KCNIP4: variants seen among roughly 807,000 people sequenced by gnomAD.
KCNIP4 encodes the protein Kv channel-interacting protein 4.
KCNIP4 carries 12 observed loss-of-function variants against 34.0 expected under a neutral mutation model. That is an observed-to-expected ratio of 0.35 (90% CI 0.23 to 0.57). KCNIP4 has a LOEUF of 0.57. KCNIP4 is among the 20% of genes least tolerant of loss of function. The probability of loss-of-function intolerance (pLI) is 0.83; values close to 1 mark genes in which losing one functional copy is unlikely to be tolerated. For synonymous variants in KCNIP4, 124 were observed against 102.2 expected, an observed-to-expected ratio of 1.21 and a Z score of -1.29; for missense variants, 238 against 311.7, an observed-to-expected ratio of 0.76 and a Z score of 1.78.
chr4:21,825,799 A>G (rs1323188630), intron 1 of KCNIP4, among the ~76,000 whole-genome samples: 3 of 152,142 alleles, frequency 2.0e-5, no homozygotes, highest in African/African-American at 7.2e-5. Flanking sequence ...TGGAAACCAT[A>G]TTTTAGCAGG....
At chr4:20,876,953 C>T (rs150546307) in intron 2 of KCNIP4, among the ~76,000 whole-genome samples, 1 of 152,270 alleles carries the variant, frequency 6.6e-6, no homozygotes, top group African/African-American at 2.4e-5. Flanking sequence ...TGTCGCTGAT[C>T]CTGTAGATCA....
intron 1 of KCNIP4, among the ~76,000 whole-genome samples, chr4:21,285,564 C>G (rs542134085): frequency 5.3e-4 from 81 of 152,214 alleles, no homozygotes; most frequent in African/African-American, 1.7e-3. Flanking sequence ...CGTGGTGGCT[C>G]ATGCCTGTAA....
At chr4:21,612,999 G>C (rs1377859074) in intron 1 of KCNIP4, among the ~76,000 whole-genome samples, 1 of 152,138 alleles carries the variant, frequency 6.6e-6, no homozygotes, top group Non-Finnish European at 1.5e-5. Context: ...GGTATGTAGA[G>C]AGAAAAAGGC....
At chr4:21,816,489 A>G (rs1008590620) in intron 1 of KCNIP4, among the ~76,000 whole-genome samples, 1 of 152,178 alleles carries the variant, frequency 6.6e-6, no homozygotes, top group Non-Finnish European at 1.5e-5. Flanking sequence ...GGAGAACTTC[A>G]AAAGCCAAGT....
intron 1 of KCNIP4, among the ~76,000 whole-genome samples, chr4:21,491,731 C>T (rs1732414194): frequency 1.3e-5 from 2 of 152,118 alleles, no homozygotes; most frequent in Admixed American, 6.6e-5. Context: ...TTCTGACAAA[C>T]ATCTACATTT....
intron 1 of KCNIP4, among the ~76,000 whole-genome samples, chr4:21,648,942 G>T (rs1427795613): frequency 6.6e-6 from 1 of 152,050 alleles, no homozygotes; most frequent in Non-Finnish European, 1.5e-5. Flanking sequence ...ACATTTTATG[G>T]AATGTCAGTT....
chr4:21,169,660 T>TTGTGTGTGTGTGTGTGTG (rs58544791), intron 1 of KCNIP4, among the ~76,000 whole-genome samples: 1 of 136,208 alleles, frequency 7.3e-6, no homozygotes, highest in African/African-American at 2.8e-5. Context: ...TACTTTATAT[T>TTGTGTGTGTGTGTGTGTG]TGTGTGTGTG....
At chr4:20,984,768 C>T (rs1560622625) in intron 1 of KCNIP4, among the ~76,000 whole-genome samples, 1 of 152,144 alleles carries the variant, frequency 6.6e-6, no homozygotes, top group Non-Finnish European at 1.5e-5. Flanking sequence ...TTCATAACTG[C>T]CCCCTGGAAG....
chr4:21,291,866 AAAAAGAAAGAAAGAAAG>A (rs1397628959), intron 1 of KCNIP4, among the ~76,000 whole-genome samples: 977 of 61,904 alleles, frequency 0.016, 89 homozygotes, highest in African/African-American at 0.027. Flanking sequence ...AAAAAAAAAA[AAAAAGAAAGAAAGAAAG>A]AAAGAAAGAA....
rs142586087 is a variant in KCNIP4 at position 21,313,966 on chromosome 4, G to A, written c.62-431257C>T. Reference sequence around the variant, plus strand: ...AGGAGTCTGGGTACAGGTTAGCAGAGTGCTCTATTCAGGCTTAAATCAAGA... The same window carrying A: ...AGGAGTCTGGGTACAGGTTAGCAGAATGCTCTATTCAGGCTTAAATCAAGA... On this transcript the variant is annotated intron_variant, in intron 1 of 8. Transcript: ENST00000382152. Among the ~76,000 whole-genome samples, 17 of 152,308 alleles carry A rather than the reference G, an allele frequency of 1.1e-4. 2 individuals are homozygous for A. In the South Asian group the frequency reaches 3.1e-3, roughly 28 times the overall value.
At chr4:20,984,117 T>C in intron 1 of KCNIP4, 1 of 785,300 alleles carries the variant, frequency 1.3e-6, no homozygotes, top group South Asian at 2.0e-5. Flanking sequence ...GTCCAGCTTC[T>C]CATGCTGATC....
intron 1 of KCNIP4, among the ~76,000 whole-genome samples, chr4:21,421,940 T>A (rs531686298): frequency 1.6e-4 from 25 of 152,314 alleles, no homozygotes; most frequent in Admixed American, 4.6e-4. Flanking sequence ...ATTTCTTCTA[T>A]CATATTACTT....
chr4:21,706,282 C>T (rs4235291), intron 1 of KCNIP4, among the ~76,000 whole-genome samples: 67,879 of 151,960 alleles, frequency 0.45, 18,583 homozygotes, highest in Non-Finnish European at 0.61. Flanking sequence ...TAAAGGTTTT[C>T]GAGATGAAAC....
At chr4:21,652,070 T>C (rs1503991) in intron 1 of KCNIP4, among the ~76,000 whole-genome samples, 1 of 152,182 alleles carries the variant, frequency 6.6e-6, no homozygotes. Context: ...TCTACACCTC[T>C]AACACTTCTA....
At chr4:21,245,597 T>C (rs1310129635) in intron 1 of KCNIP4, among the ~76,000 whole-genome samples, 1 of 152,046 alleles carries the variant, frequency 6.6e-6, no homozygotes, top group Non-Finnish European at 1.5e-5. Flanking sequence ...TGATACATTT[T>C]TAAGAGGGGA....
intron 1 of KCNIP4, among the ~76,000 whole-genome samples, chr4:21,308,112 TA>T (rs560206599): frequency 5.8e-4 from 89 of 152,220 alleles, no homozygotes; most frequent in Non-Finnish European, 1.2e-3. Flanking sequence ...ATTAATCCAA[TA>T]TATTTTCTTC....
At chr4:21,190,077 G>A (rs1755513613) in intron 1 of KCNIP4, among the ~76,000 whole-genome samples, 1 of 152,232 alleles carries the variant, frequency 6.6e-6, no homozygotes. Context: ...TTCTGTGGGA[G>A]TGTTGATGGC....
chr4:21,174,518 T>C (rs1754251359), intron 1 of KCNIP4, among the ~76,000 whole-genome samples: 2 of 152,224 alleles, frequency 1.3e-5, no homozygotes, highest in South Asian at 2.1e-4. Flanking sequence ...ACTCTTTATT[T>C]CATTAACTAC....
At chr4:20,844,497 G>T (rs558715261) in intron 3 of KCNIP4, among the ~76,000 whole-genome samples, 1 of 152,132 alleles carries the variant, frequency 6.6e-6, no homozygotes, top group Admixed American at 6.6e-5. Flanking sequence ...GACAGAAGCC[G>T]GCAGGAATGA....
Sources: allele counts gnomAD v4.1 joint callset (sites outside exome capture counted in the v4.1 genomes callset), GRCh38; gene constraint gnomAD v4.1.1; transcripts MANE v1.5; gene names NCBI Gene and HGNC (gene_info 2026-07-23, HGNC 2026-07-21).